Variants in SLC44A1 observed in about 807,000 individuals in gnomAD.
SLC44A1 encodes solute carrier family 44 member 1, also known as choline transporter-like protein 1.
SLC44A1 carries 26 observed loss-of-function variants against 79.3 expected under a neutral mutation model. The ratio of observed to expected loss-of-function variants is 0.33; its 90% confidence interval spans 0.24 to 0.46. The LOEUF is 0.46. Among genes scored for constraint, SLC44A1 ranks in the 20% least tolerant of loss-of-function variants. SLC44A1 has a pLI of 1.00. For missense variants in SLC44A1, 688 were observed against 798.1 expected, an observed-to-expected ratio of 0.86 and a Z score of 1.66; for synonymous variants, 263 against 286.2, an observed-to-expected ratio of 0.92 and a Z score of 0.82.
chr9:105,250,275 C>T (rs867641029), intron 1 of SLC44A1, among the ~76,000 whole-genome samples: 30 of 152,146 alleles, frequency 2.0e-4, no homozygotes, highest in African/African-American at 6.5e-4. Flanking sequence ...GAACTTTCTA[C>T]AGTTGCCATC....
At chr9:105,418,082 G>A (rs1356700332) in intron 15 of SLC44A1, among the ~76,000 whole-genome samples, 2 of 151,978 alleles carry the variant, frequency 1.3e-5, no homozygotes, top group Non-Finnish European at 2.9e-5. Context: ...CTGGGAGGCC[G>A]AGGCGGGCGG....
intron 2 of SLC44A1, among the ~76,000 whole-genome samples, chr9:105,308,466 C>T (rs1017151863): frequency 6.6e-6 from 1 of 152,152 alleles, no homozygotes; most frequent in Non-Finnish European, 1.5e-5. Flanking sequence ...TACTTTTTTA[C>T]GAAGTATAGC....
chr9:105,325,902 T>C (rs910238007), intron 3 of SLC44A1, among the ~76,000 whole-genome samples: 11 of 152,198 alleles, frequency 7.2e-5, no homozygotes, highest in South Asian at 2.1e-4. Flanking sequence ...GTGAATTTTA[T>C]GGTATGTTAA....
chr9:105,383,133 T>A lies in SLC44A1; in HGVS notation c.1643T>A (p.Val548Asp). The A allele has an allele frequency of 6.2e-7, 1 of 1,608,764 alleles. No individual in the cohort carries two copies. The highest frequency in any genetic ancestry group is 8.5e-7 in the Non-Finnish European group (1 of 1,175,070). The change falls in exon 14 of 16, where the codon GTC becomes GAC. Residue 548 changes from valine (V) to aspartate (D), a missense_variant. Transcript: ENST00000374720. Reference protein sequence around the residue: ...FMLFLGKVLIVCSTGLAGIML... With the variant: ...FMLFLGKVLIDCSTGLAGIML... ...TTCTCTCTGCTTCAGGTGCTGATAG[T>A]CTGCAGCACAGGTTTAGCTGGGATT...
At chr9:105,360,243 A>G (rs2131406735) in intron 7 of SLC44A1, among the ~76,000 whole-genome samples, 1 of 152,308 alleles carries the variant, frequency 6.6e-6, no homozygotes, top group African/African-American at 2.4e-5. Flanking sequence ...TCCATTGCTC[A>G]GATATCATCT....
chr9:105,245,628 C>T (rs934872977), intron 1 of SLC44A1, among the ~76,000 whole-genome samples: 4 of 152,196 alleles, frequency 2.6e-5, no homozygotes, highest in Non-Finnish European at 5.9e-5. Flanking sequence ...TGGTGGGTGA[C>T]GGGAGCGCTA....
chr9:105,333,593 T>C (rs1350526395), intron 3 of SLC44A1, among the ~76,000 whole-genome samples: 4 of 152,172 alleles, frequency 2.6e-5, no homozygotes, highest in Non-Finnish European at 4.4e-5. Context: ...GTGGATCACC[T>C]GAGGTCAGGA....
intron 1 of SLC44A1, among the ~76,000 whole-genome samples, chr9:105,247,881 G>C (rs960416897): frequency 3.3e-4 from 50 of 152,176 alleles, no homozygotes; most frequent in Admixed American, 3.1e-3. Flanking sequence ...TTGCCAAGCT[G>C]TCCTCTTCTA....
chr9:105,246,652 AAG>A (rs1363937801), intron 1 of SLC44A1, among the ~76,000 whole-genome samples: 2 of 152,170 alleles, frequency 1.3e-5, no homozygotes, highest in Admixed American at 6.6e-5. Context: ...TTTCACCAAA[AAG>A]GTGTTTTTCA....
At chr9:105,365,208 CA>C (rs1206822048) in intron 10 of SLC44A1, among the ~76,000 whole-genome samples, 3 of 152,170 alleles carry the variant, frequency 2.0e-5, no homozygotes, top group African/African-American at 7.2e-5. Flanking sequence ...CATAAGTATT[CA>C]CTAATAAAAG....
In SLC44A1 at chr9:105,390,247, G is replaced by A; in HGVS notation, c.*1191G>A. The A allele has an allele frequency of 9.3e-7, 1 of 1,075,122 alleles. No individual in the cohort carries two copies. Among genetic ancestry groups the A allele is most frequent in the Non-Finnish European group, 1.1e-6 (1 of 888,604 alleles). The allele number at this position is 1,075,122 out of a possible 1,614,324, so 66.6% of individuals were successfully genotyped here. A position where few individuals can be genotyped will look rare whatever the true frequency, so the allele number is the denominator to read the frequency against. ...TGAATGGCTAATACTCCATTGTTCT[G>A]CTTGTTGTAATGGTGAATGCTTTAA... On this transcript the variant is annotated 3_prime_UTR_variant, in exon 16 of 16. Transcript: ENST00000374720.
chr9:105,336,613 C>T (rs1826930276), intron 4 of SLC44A1, among the ~76,000 whole-genome samples: 1 of 152,182 alleles, frequency 6.6e-6, no homozygotes, highest in Admixed American at 6.5e-5. Context: ...CAGGCTAGTG[C>T]TGGTTGCTTG....
intron 5 of SLC44A1, among the ~76,000 whole-genome samples, chr9:105,350,384 TTCCACCCATCGTTGTATTAGA>T (rs147862971): frequency 0.018 from 2,798 of 152,266 alleles, 85 homozygotes; most frequent in African/African-American, 0.064. Context: ...CATCACCCCA[TTCCACCCATCGTTGTATTAGA>T]TACCAAGTCT....
At chr9:105,399,627 A>G (rs1828930327), downstream of SLC44A1, among the ~76,000 whole-genome samples, 1 of 152,248 alleles carries the variant, frequency 6.6e-6, no homozygotes. Flanking sequence ...AAATCAAGAA[A>G]GGTACATATT....
chr9:105,371,991 G>A (rs1828118636), intron 12 of SLC44A1, among the ~76,000 whole-genome samples: 1 of 152,124 alleles, frequency 6.6e-6, no homozygotes, highest in African/African-American at 2.4e-5. Context: ...TATTTCAAAA[G>A]AAGCTTTTGT....
Position 105,396,037 on chromosome 9 carries a change from T to C in SLC44A1, c.*6981T>C. 1.0e-6 allele frequency: 1 copy of C among 985,380 alleles called. No homozygotes were observed. Among genetic ancestry groups the C allele is most frequent in the Non-Finnish European group, 1.2e-6 (1 of 829,928 alleles). The allele number at this position is 985,380 out of a possible 1,614,324, so 61.0% of individuals were successfully genotyped here. A position where few individuals can be genotyped will look rare whatever the true frequency, so the allele number is the denominator to read the frequency against. ...TCCTCTAGGTTCCTGTAGTCTGTGC[T>C]CAGAACTTGGTTTTTGGCCCCTATT... On this transcript the variant is annotated 3_prime_UTR_variant, in exon 16 of 16. Coordinates refer to ENST00000374720, the MANE Select transcript of SLC44A1 (RefSeq NM_080546.5).
intron 9 of SLC44A1, 31 bp from the exon 10 acceptor site, chr9:105,364,524 C>G (rs1355976938): frequency 2.5e-6 from 4 of 1,583,638 alleles, no homozygotes; most frequent in Admixed American, 1.8e-5. Flanking sequence ...ACTTTATGTG[C>G]TTCTTCTTTC....
rs1290291821 is a variant in SLC44A1 at position 105,392,911 on chromosome 9, C to T, written c.*3855C>T. 5 of 985,084 alleles carry T rather than the reference C, an allele frequency of 5.1e-6. No individual in the cohort carries two copies. The highest frequency in any genetic ancestry group is 1.7e-5 in the African/African-American group (1 of 57,206). The allele number at this position is 985,084 out of a possible 1,614,324, so 61.0% of individuals were successfully genotyped here. A position where few individuals can be genotyped will look rare whatever the true frequency, so the allele number is the denominator to read the frequency against. ...TCCTCCAGAAAGGTCTTTAAGCTTT[C>T]GCTTTTCAATAAGTAAGTTCTTTAC... On this transcript the variant is annotated 3_prime_UTR_variant, in exon 16 of 16. Transcript: ENST00000374720.
chr9:105,354,796 A>T (rs1259427545), intron 5 of SLC44A1, among the ~76,000 whole-genome samples: 1 of 152,350 alleles, frequency 6.6e-6, no homozygotes, highest in Non-Finnish European at 1.5e-5. Context: ...TTTAAGGGAA[A>T]CTAATACATA....
Sources: allele counts gnomAD v4.1 joint callset (sites outside exome capture counted in the v4.1 genomes callset), GRCh38; gene constraint gnomAD v4.1.1; transcripts MANE v1.5; gene names NCBI Gene and HGNC (gene_info 2026-07-23, HGNC 2026-07-21).